The following ELAPOR1 variants were observed in gnomAD, a reference collection of about 807,000 sequenced individuals.
ELAPOR1 encodes the protein endosome-lysosome associated apoptosis and autophagy regulator 1.
A neutral mutation model predicts 119.7 loss-of-function variants in ELAPOR1; 77 were observed. The observed-to-expected ratio is 0.64, with a 90% CI of 0.54 to 0.78. The LOEUF is 0.78. Ranked by LOEUF, ELAPOR1 falls within the 30% of genes least tolerant of loss-of-function variation. The probability of loss-of-function intolerance (pLI) is 0.00; values close to 1 mark genes in which losing one functional copy is unlikely to be tolerated. For missense variants in ELAPOR1, 1,115 were observed against 1,270.4 expected (o/e 0.88, Z 1.86); for synonymous variants, 481 against 487.2 (o/e 0.99, Z 0.17).
At chr1:109,141,451 CAG>C (rs1649822963) in intron 1 of ELAPOR1, among the ~76,000 whole-genome samples, 1 of 150,852 alleles carries the variant, frequency 6.6e-6, no homozygotes, top group South Asian at 2.1e-4. Context: ...TTAGTAGAGA[CAG>C]GGTTTCACCG....
In ELAPOR1 at chr1:109,138,834, C is replaced by CAAAAAAAAAAAAAAAAAAAA. The variant is rs150398954; in HGVS notation, c.154-23043_154-23042insAAAAAAAAAAAAAAAAAAAA. ...GGGCAACAAGAGTGAAACTCCATCTCAAAAAAAAAAAAAAAAAGAATCTTC... is the reference window on the plus strand; with the variant it reads ...GGGCAACAAGAGTGAAACTCCATCTCAAAAAAAAAAAAAAAAAAAAAAAAAAAAAAAAAAAAAGAATCTTC... On this transcript the variant is annotated intron_variant, in intron 1 of 21. Coordinates refer to ENST00000369939, the MANE Select transcript of ELAPOR1 (RefSeq NM_020775.5). 1.3e-3 allele frequency among the ~76,000 whole-genome samples: 141 copies of CAAAAAAAAAAAAAAAAAAAA among 107,186 alleles called. 1 individual carries two copies. Among genetic ancestry groups the CAAAAAAAAAAAAAAAAAAAA allele is most frequent in the Non-Finnish European group, 1.9e-3 (105 of 54,972 alleles). The allele number at this position is 107,186 out of a possible 152,430, so 70.3% of individuals were successfully genotyped here. A position where few individuals can be genotyped will look rare whatever the true frequency, so the allele number is the denominator to read the frequency against.
Position 109,200,892 on chromosome 1 carries a change from A to C in ELAPOR1, c.2965A>C (p.Thr989Pro). The stretch of plus-strand genomic sequence containing the variant: ...ACTCTTTGGGAAGATCAAATCATTT[A>C]CCTCCAAGGTAGGGGTCCTGGCCAG... ...KSLFGKIKSF[T>P]SKRTPDGFDS... The change falls in exon 21 of 22, where the codon ACC (threonine) becomes CCC (proline). Residue 989 changes from threonine (T) to proline (P), a missense_variant. Physicochemically the swap from Thr to Pro is conservative, Grantham distance 38 (BLOSUM62 -1). Coordinates refer to ENST00000369939, the MANE Select transcript of ELAPOR1 (RefSeq NM_020775.5). 6.2e-7 allele frequency: 1 copy of C among 1,613,656 alleles called. No homozygotes were observed. The highest frequency in any genetic ancestry group is 8.5e-7 in the Non-Finnish European group (1 of 1,179,790).
chr1:109,144,696 C>T (rs1456039416), intron 1 of ELAPOR1, among the ~76,000 whole-genome samples: 1 of 152,064 alleles, frequency 6.6e-6, no homozygotes, highest in African/African-American at 2.4e-5. Flanking sequence ...GAGCCCAGAT[C>T]GTGCCACTAC....
At chr1:109,190,121 TAAAC>T (rs1467621571) in intron 11 of ELAPOR1, among the ~76,000 whole-genome samples, 2 of 151,876 alleles carry the variant, frequency 1.3e-5, no homozygotes, top group Admixed American at 6.5e-5. Context: ...TGTTTCCCAC[TAAAC>T]AAACAAACAA....
At position 109,118,900 on chromosome 1, in the gene ELAPOR1, C is replaced by CTTTTTTTTTTTTT. The variant is rs777752743; in HGVS notation, c.153+4567_153+4579dup. ...CTGTTTCCTCCTGTATTTGGTTCTT[C>CTTTTTTTTTTTTT]TTTTTTTTTTTTTTTGAGACGGAGT... On this transcript the variant is annotated intron_variant, in intron 1 of 21. Transcript: ENST00000369939. Among the ~76,000 whole-genome samples, 264 of 128,136 alleles carry CTTTTTTTTTTTTT rather than the reference C, an allele frequency of 2.1e-3. 9 individuals carry two copies. The highest frequency in any genetic ancestry group is 4.5e-3 in the African/African-American group (140 of 31,446). 84.1% of individuals were successfully genotyped at this position (128,136 alleles called of 152,430 possible). A position where few individuals can be genotyped will look rare whatever the true frequency, so the allele number is the denominator to read the frequency against.
chr1:109,189,370 A>G (rs1653282684), intron 10 of ELAPOR1, among the ~76,000 whole-genome samples, 176 bp downstream of exon 10: 1 of 152,240 alleles, frequency 6.6e-6, no homozygotes, highest in Non-Finnish European at 1.5e-5. Context: ...CTTTAGAGGA[A>G]GGAACAGAGC....
chr1:109,139,464 C>T (rs963012953), intron 1 of ELAPOR1, among the ~76,000 whole-genome samples: 4 of 152,206 alleles, frequency 2.6e-5, no homozygotes, highest in South Asian at 2.1e-4. Context: ...CTTGACCACA[C>T]GCTTCTCTCT....
chr1:109,163,462 A>G (rs886852068), intron 2 of ELAPOR1, among the ~76,000 whole-genome samples: 1 of 152,214 alleles, frequency 6.6e-6, no homozygotes, highest in South Asian at 2.1e-4. Flanking sequence ...AGGTGCAATC[A>G]TAGCTCTGTA....
chr1:109,182,968 G>A (rs1404683909), intron 7 of ELAPOR1, among the ~76,000 whole-genome samples: 1 of 151,996 alleles, frequency 6.6e-6, no homozygotes, highest in Admixed American at 6.6e-5. Flanking sequence ...TTATCTGCAG[G>A]TGACACAGCA....
chr1:109,153,616 G>GTGTTTTGTTT (rs201426802), intron 1 of ELAPOR1, among the ~76,000 whole-genome samples: 142 of 148,474 alleles, frequency 9.6e-4, no homozygotes, highest in African/African-American at 3.3e-3. Context: ...CTTGTGGCAG[G>GTGTTTTGTTT]TGTTTTGTTT....
chr1:109,163,742 A>C (rs1327723611), intron 2 of ELAPOR1, among the ~76,000 whole-genome samples: 1 of 152,150 alleles, frequency 6.6e-6, no homozygotes, highest in African/African-American at 2.4e-5. Flanking sequence ...AATGAGCAAA[A>C]ATAAGAATAG....
chr1:109,122,021 C>G (rs1046240946), intron 1 of ELAPOR1, among the ~76,000 whole-genome samples: 9 of 151,784 alleles, frequency 5.9e-5, no homozygotes, highest in African/African-American at 2.2e-4. Context: ...ATCCGCCCAC[C>G]TTGGCCTCCC....
At chr1:109,116,418 T>G (rs1025198593) in intron 1 of ELAPOR1, among the ~76,000 whole-genome samples, 1 of 152,098 alleles carries the variant, frequency 6.6e-6, no homozygotes, top group Admixed American at 6.6e-5. Context: ...TTCAGCTTCT[T>G]TCCCATTAGA....
chr1:109,148,918 G>C (rs1412304719), intron 1 of ELAPOR1, among the ~76,000 whole-genome samples: 4 of 152,104 alleles, frequency 2.6e-5, no homozygotes, highest in Non-Finnish European at 5.9e-5. Flanking sequence ...GGGACATTTT[G>C]TTTCTTGGTG....
In ELAPOR1 at chr1:109,192,605, C is replaced by A; in HGVS notation, c.1684-6C>A. On this transcript the variant is annotated splice_region_variant and splice_polypyrimidine_tract_variant and intron_variant, in intron 13 of 21. Coordinates refer to ENST00000369939, the MANE Select transcript of ELAPOR1 (RefSeq NM_020775.5). ...CCCCTCTCCCCTCTTGTTTCCTTGT[C>A]TCCAGAGCAGGAAGTACACCAATGA... 6.2e-7 allele frequency: 1 copy of A among 1,613,748 alleles called. No homozygotes were observed. Among genetic ancestry groups the A allele is most frequent in the Non-Finnish European group, 8.5e-7 (1 of 1,179,744 alleles).
rs371326678 is a variant in ELAPOR1, at chr1:109,126,619, C to T, written c.153+12283C>T. Among the ~76,000 whole-genome samples, 14 of 152,194 alleles carry T rather than the reference C, an allele frequency of 9.2e-5. No homozygotes were observed. The East Asian group carries it at 9.7e-4, about 11-fold the overall frequency. The stretch of plus-strand genomic sequence containing the variant: ...CCGGGTAACTGGGATTACAGGCACG[C>T]GCCACCATGCCCAGCTAATTTTTGT... On this transcript the variant is annotated intron_variant, in intron 1 of 21. Transcript: ENST00000369939.
rs762556126 is a variant in ELAPOR1, at chr1:109,200,799, G to A, written c.2872G>A (p.Ala958Thr). Residue 958 changes from alanine (A) to threonine (T), a missense_variant, in exon 21 of 22, where the codon GCT (alanine) becomes ACT (threonine). Ala to Thr is a moderately conservative substitution (Grantham distance 58, BLOSUM62 0). Coordinates refer to ENST00000369939, the MANE Select transcript of ELAPOR1 (RefSeq NM_020775.5). ...ATLKDCDLPA[A>T]DSCAIMEGED... The stretch of plus-strand genomic sequence containing the variant: ...TCTCAAGGACTGTGACCTGCCAGCA[G>A]CTGACAGCTGCGCCATCATGGAAGG... The A allele has an allele frequency of 1.2e-5, 20 of 1,614,114 alleles. No individual in the cohort carries two copies. Among genetic ancestry groups the A allele is most frequent in the Non-Finnish European group, 1.6e-5 (19 of 1,180,044 alleles).
intron 7 of ELAPOR1, among the ~76,000 whole-genome samples, chr1:109,174,080 A>G (rs1365477436): frequency 6.8e-6 from 1 of 148,130 alleles, no homozygotes; most frequent in African/African-American, 2.5e-5. Context: ...TGGTGCGATC[A>G]TAGCTCACTG....
intron 3 of ELAPOR1, among the ~76,000 whole-genome samples, chr1:109,170,162 A>G (rs1651839270): frequency 1.3e-5 from 2 of 152,144 alleles, no homozygotes; most frequent in African/African-American, 2.4e-5. Context: ...TTGTTTAGAG[A>G]TACATACATG....
Sources: gnomAD v4.1 joint callset for allele counts (sites outside exome capture counted in the v4.1 genomes callset) on GRCh38, gnomAD v4.1.1 for gene constraint, MANE v1.5 for transcripts, NCBI Gene and HGNC (gene_info 2026-07-23, HGNC 2026-07-21) for gene names.